The following MARK1 variants were observed in gnomAD, a reference collection of about 807,000 sequenced individuals.
MARK1 encodes the protein microtubule affinity regulating kinase 1, also known as serine/threonine-protein kinase MARK1.
Under a neutral mutation model 96.3 loss-of-function variants are expected in MARK1, and 40 were observed. The observed-to-expected ratio is 0.42, with a 90% confidence interval of 0.32 to 0.54. The LOEUF is 0.54. MARK1 is among the 20% of genes least tolerant of loss of function. The pLI, the probability that MARK1 is intolerant of heterozygous loss-of-function variation, is 0.16. For missense variants in MARK1, 719 were observed against 984.6 expected, an observed-to-expected ratio of 0.73 and a Z score of 3.61; for synonymous variants, 317 against 341.2, an observed-to-expected ratio of 0.93 and a Z score of 0.78.
intron 1 of MARK1, among the ~76,000 whole-genome samples, chr1:220,554,228 C>G (rs1662083625): frequency 3.3e-5 from 5 of 152,152 alleles, no homozygotes; most frequent in Admixed American, 3.3e-4. Context: ...TCATTACTTC[C>G]TGCTCACCAG....
intron 11 of MARK1, 32 bp from the exon 12 acceptor site, chr1:220,635,344 C>A: frequency 1.6e-5 from 16 of 1,004,494 alleles, no homozygotes; most frequent in East Asian, 1.0e-4. Flanking sequence ...TTTTTTTTTG[C>A]TTTAAAATCC....
At chr1:220,592,598 C>T (rs1020606166) in intron 3 of MARK1, among the ~76,000 whole-genome samples, 9 of 152,086 alleles carry the variant, frequency 5.9e-5, no homozygotes, top group African/African-American at 1.7e-4. Flanking sequence ...AATACTGAGC[C>T]GCAGAAACTG....
intron 9 of MARK1, among the ~76,000 whole-genome samples, chr1:220,629,512 C>G (rs1344096216): frequency 6.6e-6 from 1 of 152,080 alleles, no homozygotes; most frequent in Non-Finnish European, 1.5e-5. Flanking sequence ...AAACTCTGTA[C>G]TCATTGAACA....
intron 1 of MARK1, among the ~76,000 whole-genome samples, chr1:220,529,344 T>G (rs1572025988): frequency 6.6e-6 from 1 of 152,196 alleles, no homozygotes; most frequent in South Asian, 2.1e-4. Context: ...ATGACTTTGC[T>G]TTTTGTAACA....
intron 1 of MARK1, among the ~76,000 whole-genome samples, chr1:220,538,213 C>G (rs11118569): frequency 0.86 from 130,370 of 151,608 alleles, 58,640 homozygotes; most frequent in East Asian, 0.99. Flanking sequence ...GGTTTTAGGT[C>G]TAACGTTTAA....
intron 3 of MARK1, among the ~76,000 whole-genome samples, chr1:220,590,906 T>C (rs971675658): frequency 6.6e-6 from 1 of 152,158 alleles, no homozygotes; most frequent in Non-Finnish European, 1.5e-5. Flanking sequence ...CTTTGAGATA[T>C]AGGAACCCAA....
intron 11 of MARK1, 90 bp from the exon 12 acceptor site, chr1:220,635,286 A>T: frequency 8.1e-7 from 1 of 1,233,110 alleles, no homozygotes; most frequent in Non-Finnish European, 1.1e-6. Flanking sequence ...TATAGCTTTA[A>T]GTCATTTAGA....
At chr1:220,551,436 T>A (rs1336296010) in intron 1 of MARK1, among the ~76,000 whole-genome samples, 1 of 152,218 alleles carries the variant, frequency 6.6e-6, no homozygotes, top group African/African-American at 2.4e-5. Flanking sequence ...TTGGAAGTCA[T>A]TAAAACCCAC....
chr1:220,528,948 G>A, intron 1 of MARK1, 75 bp downstream of exon 1: 1 of 1,438,616 alleles, frequency 7.0e-7, no homozygotes, highest in East Asian at 2.8e-5. Flanking sequence ...CCGCGCTTGG[G>A]CCGTCCCCCG....
rs775935987 is a variant in MARK1, at chr1:220,599,858, G to T, written c.419G>T (p.Ser140Ile). Residue 140 changes from serine (S) to isoleucine (I), a missense_variant, in exon 5 of 18, where the codon AGT (serine) becomes ATT (isoleucine). By Grantham distance (142) the Ser-to-Ile change is moderately radical. Transcript: ENST00000366917. ...CTCTATTTAGTCATGGAATACGCGA[G>T]TGGGGGTAAGAATGAGGGTGATTGA... The part of the protein sequence containing the change: ...KTLYLVMEYA[S>I]GGEVFDYLVA... 2 of 1,605,756 alleles carry T rather than the reference G, an allele frequency of 1.2e-6. No individual in the cohort carries two copies. Among genetic ancestry groups the T allele is most frequent in the South Asian group, 2.2e-5 (2 of 89,884 alleles).
At chr1:220,595,255 A>C (rs1339486942) in intron 3 of MARK1, among the ~76,000 whole-genome samples, 1 of 152,202 alleles carries the variant, frequency 6.6e-6, no homozygotes, top group African/African-American at 2.4e-5. Context: ...TGCTACTTTG[A>C]CTTTTCCTGG....
chr1:220,601,072 C>T (rs893368297), intron 5 of MARK1, among the ~76,000 whole-genome samples: 5 of 151,710 alleles, frequency 3.3e-5, no homozygotes, highest in African/African-American at 4.8e-5. Flanking sequence ...TGCCTGCCAC[C>T]GTGCCCGGCT....
chr1:220,627,393 C>T (rs1464376403), intron 9 of MARK1: 1 of 481,746 alleles, frequency 2.1e-6, no homozygotes, highest in Non-Finnish European at 4.3e-6. Context: ...GAGGAGAAAA[C>T]CAAGGAGGAG....
chr1:220,660,398 G>GATAC (rs1669411282), intron 17 of MARK1, among the ~76,000 whole-genome samples: 1 of 152,152 alleles, frequency 6.6e-6, no homozygotes, highest in Non-Finnish European at 1.5e-5. Flanking sequence ...TGGGGACTCA[G>GATAC]ATACCTAGGC....
chr1:220,653,913 ACTTACTATG>A (rs1240024503), intron 16 of MARK1, among the ~76,000 whole-genome samples: 1 of 152,226 alleles, frequency 6.6e-6, no homozygotes, highest in Non-Finnish European at 1.5e-5. Flanking sequence ...AAGTAAGCAT[ACTTACTATG>A]CTTACTATGC....
intron 17 of MARK1, among the ~76,000 whole-genome samples, chr1:220,659,847 G>A (rs1380354008): frequency 6.6e-6 from 1 of 151,980 alleles, no homozygotes; most frequent in East Asian, 1.9e-4. Flanking sequence ...CTGGAGTGCA[G>A]TGGCACGATC....
chr1:220,634,840 T>TG (rs1667858732), intron 11 of MARK1, among the ~76,000 whole-genome samples: 1 of 152,168 alleles, frequency 6.6e-6, no homozygotes, highest in African/African-American at 2.4e-5. Context: ...CCAGATTTTT[T>TG]TTTTGCAAAT....
intron 1 of MARK1, among the ~76,000 whole-genome samples, chr1:220,533,049 G>A (rs1440655871): frequency 2.6e-5 from 4 of 151,930 alleles, no homozygotes; most frequent in Non-Finnish European, 5.9e-5. Flanking sequence ...CATATGAAAT[G>A]GTATAAGATA....
intron 3 of MARK1, among the ~76,000 whole-genome samples, chr1:220,594,941 G>T (rs1665232435): frequency 6.6e-6 from 1 of 152,080 alleles, no homozygotes; most frequent in African/African-American, 2.4e-5. Context: ...TAAAATGATG[G>T]GTACATGTCT....
Sources: gnomAD v4.1 joint callset for allele counts (sites outside exome capture counted in the v4.1 genomes callset) on GRCh38, gnomAD v4.1.1 for gene constraint, MANE v1.5 for transcripts, NCBI Gene and HGNC (gene_info 2026-07-23, HGNC 2026-07-21) for gene names.